IL1RAPL1: variants seen among roughly 807,000 people sequenced by gnomAD.
IL1RAPL1 encodes the protein interleukin-1 receptor accessory protein-like 1.
A neutral mutation model predicts 48.4 loss-of-function variants in IL1RAPL1; 3 were observed. The ratio of observed to expected loss-of-function variants is 0.06; its 90% confidence interval spans 0.03 to 0.16. IL1RAPL1 has a LOEUF of 0.16. Among genes scored for constraint, IL1RAPL1 ranks in the 10% least tolerant of loss-of-function variants. IL1RAPL1 has a pLI of 1.00. For synonymous variants in IL1RAPL1, 185 were observed against 187.7 expected, an observed-to-expected ratio of 0.99 and a Z score of 0.12; for missense variants, 349 against 530.6, an observed-to-expected ratio of 0.66 and a Z score of 3.36.
At chrX:29,633,244 GA>G (rs757862924) in intron 5 of IL1RAPL1, among the ~76,000 whole-genome samples, 1 of 110,509 alleles carries the variant, frequency 9.0e-6, no homozygotes, top group Non-Finnish European at 1.9e-5. Context: ...AAAGAAGCCA[GA>G]AAAAAAGAGT....
intron 2 of IL1RAPL1, chrX:28,942,651 A>G (rs1176747878): frequency 3.6e-5 from 3 of 84,428 alleles, no homozygotes; most frequent in African/African-American, 1.4e-4. Context: ...ATCTAATAGT[A>G]AAAAAAAAAA....
chrX:29,307,219 C>T (rs1375031123), intron 3 of IL1RAPL1, among the ~76,000 whole-genome samples: 22 of 111,994 alleles, frequency 2.0e-4, no homozygotes, highest in African/African-American at 5.2e-4. Context: ...TTAATGATGC[C>T]GCATATGTTT....
chrX:29,889,166 A>G (rs1482865538), intron 6 of IL1RAPL1, among the ~76,000 whole-genome samples: 1 of 112,008 alleles, frequency 8.9e-6, no homozygotes, highest in Non-Finnish European at 1.9e-5. Context: ...GCCAGACACT[A>G]AAATTGAGGC....
In IL1RAPL1 at chrX:29,594,065, A is replaced by G. The variant is rs377319920; in HGVS notation, c.704-74365A>G. On this transcript the variant is annotated intron_variant, in intron 5 of 10. Coordinates refer to ENST00000378993, the MANE Select transcript of IL1RAPL1 (RefSeq NM_014271.4). ...CAGCAATCGTTGTGAACTTGATTTT[A>G]GGGTCTGACGATTTGGAGATCCCTC... is the stretch of plus-strand genomic sequence containing the variant. Among the ~76,000 whole-genome samples, 6 of 112,725 alleles carry G rather than the reference A, an allele frequency of 5.3e-5. No individual in the cohort carries two copies. The East Asian group carries it at 1.4e-3, about 26-fold the overall frequency.
At chrX:29,743,814 T>A (rs1383996460) in intron 6 of IL1RAPL1, among the ~76,000 whole-genome samples, 1 of 112,414 alleles carries the variant, frequency 8.9e-6, no homozygotes, top group Non-Finnish European at 1.9e-5. Context: ...TTGTTTGCAA[T>A]ACCTAGCTTG....
intron 2 of IL1RAPL1, among the ~76,000 whole-genome samples, chrX:29,151,776 C>T (rs908938776): frequency 1.8e-5 from 2 of 110,326 alleles, no homozygotes; most frequent in Admixed American, 9.8e-5. Flanking sequence ...ACTCTTCCTG[C>T]GTGTAGTGCA....
intron 2 of IL1RAPL1, among the ~76,000 whole-genome samples, chrX:29,015,343 C>A (rs1042361409): frequency 9.0e-6 from 1 of 111,197 alleles, no homozygotes; most frequent in Non-Finnish European, 1.9e-5. Context: ...TTAAAACTTT[C>A]GCTCTGAAAT....
chrX:28,949,995 T>C (rs1924410671), intron 2 of IL1RAPL1, among the ~76,000 whole-genome samples: 2 of 110,786 alleles, frequency 1.8e-5, no homozygotes, highest in South Asian at 7.6e-4. Flanking sequence ...TTTGGTGTTA[T>C]AGACATGAAA....
At chrX:29,171,273 C>T (rs968959059) in intron 2 of IL1RAPL1, among the ~76,000 whole-genome samples, 5 of 111,910 alleles carry the variant, frequency 4.5e-5, no homozygotes, top group South Asian at 3.7e-4. Context: ...CAGGCGTGAG[C>T]CACTGTGCCC....
At chrX:28,648,827 T>G (rs1934647691) in intron 1 of IL1RAPL1, among the ~76,000 whole-genome samples, 1 of 111,733 alleles carries the variant, frequency 8.9e-6, no homozygotes, top group Non-Finnish European at 1.9e-5. Context: ...ATCAAACCAC[T>G]TGCTTCAGCC....
At chrX:29,044,302 T>C (rs1926908283) in intron 2 of IL1RAPL1, among the ~76,000 whole-genome samples, 1 of 110,265 alleles carries the variant, frequency 9.1e-6, no homozygotes, top group Non-Finnish European at 1.9e-5. Flanking sequence ...TGGTTGCAGG[T>C]GCCTATAATT....
chrX:29,668,880 A>G (rs1201550969), intron 6 of IL1RAPL1, among the ~76,000 whole-genome samples: 4 of 111,637 alleles, frequency 3.6e-5, no homozygotes, highest in African/African-American at 1.3e-4. Flanking sequence ...AATTTAGGGG[A>G]AAGGGTTCAA....
At chrX:29,705,279 A>C (rs1027551168) in intron 6 of IL1RAPL1, among the ~76,000 whole-genome samples, 1 of 111,758 alleles carries the variant, frequency 8.9e-6, no homozygotes, top group African/African-American at 3.3e-5. Flanking sequence ...CAGTGGCACA[A>C]TCTTGGCTCA....
intron 6 of IL1RAPL1, among the ~76,000 whole-genome samples, chrX:29,852,868 T>C (rs1354592420): frequency 9.0e-6 from 1 of 111,627 alleles, no homozygotes; most frequent in Non-Finnish European, 1.9e-5. Context: ...CAGTCAGATT[T>C]GAGCAATAAC....
chrX:28,667,291 A>T (rs1934891498), intron 1 of IL1RAPL1, among the ~76,000 whole-genome samples: 1 of 112,285 alleles, frequency 8.9e-6, no homozygotes, highest in African/African-American at 3.2e-5. Flanking sequence ...TCTTTGTAAA[A>T]TAGGTCACAA....
rs1208619188 is a variant in IL1RAPL1, at chrX:28,641,062, AT to A, written c.-25+53029del. Among the ~76,000 whole-genome samples, 452 of 100,966 alleles carry A rather than the reference AT, an allele frequency of 4.5e-3. 1 individual carries two copies. The highest frequency in any genetic ancestry group is 9.2e-3 in the African/African-American group (257 of 27,951). 87.7% of individuals were successfully genotyped at this position (100,966 alleles called of 115,157 possible). On this transcript the variant is annotated intron_variant, in intron 1 of 10. Transcript: ENST00000378993. ...CTGAAGGCTTGACTAGAAATGTAGG[AT>A]TTTTTTTTTTTTTAATTATACTTTA...
chrX:29,831,739 A>G (rs1302421352), intron 6 of IL1RAPL1, among the ~76,000 whole-genome samples: 2 of 111,571 alleles, frequency 1.8e-5, no homozygotes, highest in African/African-American at 6.5e-5. Flanking sequence ...AGCCTTGTCT[A>G]AGGAGGAGAG....
At chrX:29,775,351 T>G (rs977132169) in intron 6 of IL1RAPL1, among the ~76,000 whole-genome samples, 1 of 111,514 alleles carries the variant, frequency 9.0e-6, no homozygotes, top group Non-Finnish European at 1.9e-5. Flanking sequence ...ATGGTGTGCT[T>G]TTGTGTGTTA....
chrX:29,665,035 T>C (rs896387397), intron 5 of IL1RAPL1, among the ~76,000 whole-genome samples: 6 of 112,573 alleles, frequency 5.3e-5, no homozygotes, highest in Non-Finnish European at 3.8e-5. Context: ...TAAAATGAGG[T>C]CTTGAAAATA....
Sources: allele counts gnomAD v4.1 joint callset (sites outside exome capture counted in the v4.1 genomes callset), GRCh38; gene constraint gnomAD v4.1.1; transcripts MANE v1.5; gene names NCBI Gene and HGNC (gene_info 2026-07-23, HGNC 2026-07-21).